Variants in MAST2 observed in about 807,000 individuals in gnomAD.
MAST2 encodes microtubule-associated serine/threonine-protein kinase 2.
MAST2 carries 70 observed loss-of-function variants against 147.4 expected under a neutral mutation model. That is an observed-to-expected ratio of 0.47 (90% CI 0.39 to 0.58). MAST2 has a LOEUF of 0.58. Among genes scored for constraint, MAST2 ranks in the 20% least tolerant of loss-of-function variants. The probability of loss-of-function intolerance (pLI) is 0.00; values close to 1 mark genes in which losing one functional copy is unlikely to be tolerated. For missense variants in MAST2, 2,080 were observed against 2,302.3 expected (o/e 0.90, Z 1.98); for synonymous variants, 869 against 896.8 (o/e 0.97, Z 0.55).
intron 4 of MAST2, among the ~76,000 whole-genome samples, chr1:45,909,462 G>A (rs1171941046): frequency 6.6e-6 from 1 of 150,704 alleles, no homozygotes; most frequent in Non-Finnish European, 1.5e-5. Context: ...GCTAAATATT[G>A]TATATATAAT....
intron 5 of MAST2, among the ~76,000 whole-genome samples, chr1:45,972,253 C>G (rs1643941259): frequency 6.6e-6 from 1 of 152,228 alleles, no homozygotes; most frequent in Admixed American, 6.5e-5. Flanking sequence ...ACAACAAGAT[C>G]AGAGTCTGTG....
rs1490418908 is a variant in MAST2 at position 46,013,569 on chromosome 1, G to A, written c.1188+2630G>A. ...GTGACGCACGCCTGTAATCCCAGCC[G>A]CTCGGGAGGCTGAGGCAGGAGAATC... On this transcript the variant is annotated intron_variant, in intron 10 of 28. Transcript: ENST00000361297. 5.3e-5 allele frequency among the ~76,000 whole-genome samples: 8 copies of A among 151,820 alleles called. No individual in the cohort carries two copies. The South Asian group carries it at 8.3e-4, about 16-fold the overall frequency.
intron 4 of MAST2, among the ~76,000 whole-genome samples, chr1:45,951,604 A>G (rs1289515808): frequency 6.6e-6 from 1 of 152,210 alleles, no homozygotes; most frequent in East Asian, 1.9e-4. Context: ...AAAAGAATAT[A>G]AAAGAAGGAA....
intron 3 of MAST2, among the ~76,000 whole-genome samples, chr1:45,836,921 G>A (rs1297245212): frequency 6.6e-6 from 1 of 152,158 alleles, no homozygotes; most frequent in East Asian, 1.9e-4. Context: ...GTGGTTTCAG[G>A]ATGAAACTGT....
chr1:46,034,655 A>C lies in MAST2; in HGVS notation c.3986A>C (p.Gln1329Pro). 1 of 1,614,096 alleles carries C rather than the reference A, an allele frequency of 6.2e-7. No homozygotes were observed. Among genetic ancestry groups the C allele is most frequent in the Non-Finnish European group, 8.5e-7 (1 of 1,180,010 alleles). ...LHGLAPKLQR[Q>P]YRSPRRKSAG... The stretch of plus-strand genomic sequence containing the variant: ...GGTCTGGCACCCAAGCTCCAACGCC[A>C]GTACCGCTCTCCACGGCGCAAGTCA... The change falls in exon 29 of 29, where the codon CAG (glutamine) becomes CCG (proline). Residue 1329 changes from glutamine (Q) to proline (P), a missense_variant. Around this residue, in one of 4 missense-constraint regions of MAST2, gnomAD observed 1,278 missense variants for 1,304.2 expected, o/e 0.98. Transcript: ENST00000361297.
In MAST2 at chr1:45,804,007, G is replaced by T; in HGVS notation, c.112G>T (p.Ala38Ser). ...LSQSLPPRRR[A>S]PPGRQRLEER... is the part of the protein sequence containing the mutation. ...TCAGTCTTTGCCGCCGCGCCGGCGA[G>T]CGCCGCCCGGGAGGCAGCGGCTGGA... is the stretch of plus-strand genomic sequence containing the variant. The change falls in exon 1 of 29, where the codon GCG (alanine) becomes TCG (serine). Residue 38 changes from alanine (A) to serine (S), a missense_variant. Coordinates refer to ENST00000361297, the MANE Select transcript of MAST2 (RefSeq NM_015112.3). 1 of 1,175,648 alleles carries T rather than the reference G, an allele frequency of 8.5e-7. No individual in the cohort carries two copies. Among genetic ancestry groups the T allele is most frequent in the Non-Finnish European group, 1.1e-6 (1 of 908,864 alleles). 72.8% of individuals were successfully genotyped at this position (1,175,648 alleles called of 1,614,324 possible). A position where few individuals can be genotyped will look rare whatever the true frequency, so the allele number is the denominator to read the frequency against.
At chr1:45,824,349 A>C in intron 1 of MAST2, 84 bp from the exon 2 acceptor site, 1 of 1,020,526 alleles carries the variant, frequency 9.8e-7, no homozygotes. Flanking sequence ...ATTGTAGTGA[A>C]TGCTGTAGAG....
intron 5 of MAST2, among the ~76,000 whole-genome samples, chr1:45,967,714 G>A (rs1158669188): frequency 6.6e-6 from 1 of 152,106 alleles, no homozygotes; most frequent in Non-Finnish European, 1.5e-5. Context: ...GGAGTGGCAG[G>A]CATACAACTT....
rs780430608 is a variant in MAST2 at position 46,006,222 on chromosome 1, T to G, written c.748-19T>G. On this transcript the variant is annotated intron_variant, in intron 7 of 28. Coordinates refer to ENST00000361297, the MANE Select transcript of MAST2 (RefSeq NM_015112.3). ...TGGGACATGTCTTTAATGCCACTTC[T>G]TAATGTTTTCCCCTCTAGTCATCAT... The G allele has an allele frequency of 4.4e-6, 7 of 1,605,426 alleles. No homozygotes were observed. The Admixed American group carries it at 8.4e-5, about 19-fold the overall frequency.
Position 45,956,646 on chromosome 1 carries a change from G to A in MAST2, c.501-2740G>A, listed in dbSNP as rs76613052. Among the ~76,000 whole-genome samples, 1,008 of 152,322 alleles carry A rather than the reference G, an allele frequency of 6.6e-3. 12 individuals carry two copies. The highest frequency in any genetic ancestry group is 0.023 in the African/African-American group (972 of 41,560). On this transcript the variant is annotated intron_variant, in intron 4 of 28. Coordinates refer to ENST00000361297, the MANE Select transcript of MAST2 (RefSeq NM_015112.3). The stretch of plus-strand genomic sequence containing the variant: ...TTTGAACTACATCCGATACAGCTTA[G>A]TGGTTTAGGTCATTACTTGCAAATC...
chr1:45,883,809 T>TA (rs1026318169), intron 4 of MAST2, among the ~76,000 whole-genome samples: 7 of 146,276 alleles, frequency 4.8e-5, no homozygotes, highest in African/African-American at 1.8e-4. Context: ...CCAGGACTCT[T>TA]AGAGGAATGA....
In MAST2 at chr1:46,031,820, T is replaced by C. The variant is rs1324016153; in HGVS notation, c.3187+235T>C. Among the ~76,000 whole-genome samples the C allele has an allele frequency of 6.6e-6, 1 of 152,172 alleles. No individual in the cohort carries two copies. Among genetic ancestry groups the C allele is most frequent in the Non-Finnish European group, 1.5e-5 (1 of 68,024 alleles). ...AGAGAGCTCACACTCAAATCCTGGCTCCATCACTAACAGGCTCTTGACCTT... is the reference window on the plus strand; with the variant it reads ...AGAGAGCTCACACTCAAATCCTGGCCCCATCACTAACAGGCTCTTGACCTT... On this transcript the variant is annotated intron_variant, in intron 24 of 28. Transcript: ENST00000361297. The surrounding 1 kb of genome is among the most constrained non-coding windows in gnomAD (Gnocchi z 4.1).
chr1:45,936,577 T>C (rs747706930), intron 4 of MAST2, among the ~76,000 whole-genome samples: 41 of 152,330 alleles, frequency 2.7e-4, no homozygotes, highest in Non-Finnish European at 4.6e-4. Context: ...GATCATTTTT[T>C]CCTCTGTGTA....
At chr1:46,013,254 T>C (rs1645789922) in intron 10 of MAST2, among the ~76,000 whole-genome samples, 1 of 152,186 alleles carries the variant, frequency 6.6e-6, no homozygotes, top group Non-Finnish European at 1.5e-5. Flanking sequence ...AACTGATTTT[T>C]TTAAGTAGCA....
At chr1:45,931,713 C>T (rs920096061) in intron 4 of MAST2, among the ~76,000 whole-genome samples, 21 of 151,878 alleles carry the variant, frequency 1.4e-4, no homozygotes, top group African/African-American at 4.8e-4. Flanking sequence ...AAACTAGTCT[C>T]GAACTCCTGA....
intron 4 of MAST2, among the ~76,000 whole-genome samples, chr1:45,891,361 G>A (rs932433522): frequency 1.3e-5 from 2 of 152,146 alleles, no homozygotes; most frequent in African/African-American, 4.8e-5. Flanking sequence ...GCCAGGTGTG[G>A]TGGTGACTGC....
rs144823047 is a variant in MAST2 at position 45,837,000 on chromosome 1, G to A, written c.468+7419G>A. ...CGTGCAACCTAGATCCCTCGTATGC[G>A]CAGTTCACAATAGGGTTCATGCCCC... On this transcript the variant is annotated intron_variant, in intron 3 of 28. Transcript: ENST00000361297. Among the ~76,000 whole-genome samples, 799 of 152,212 alleles carry A rather than the reference G, an allele frequency of 5.2e-3. 3 individuals carry two copies. The highest frequency in any genetic ancestry group is 6.8e-3 in the Middle Eastern group (2 of 294).
chr1:45,934,911 A>G (rs1056051624), intron 4 of MAST2, among the ~76,000 whole-genome samples: 1 of 152,196 alleles, frequency 6.6e-6, no homozygotes, highest in African/African-American at 2.4e-5. Context: ...CTTTGGGCAT[A>G]TTTCCAATGA....
At chr1:45,860,426 A>G (rs946346577) in intron 3 of MAST2, among the ~76,000 whole-genome samples, 3 of 151,720 alleles carry the variant, frequency 2.0e-5, no homozygotes, top group African/African-American at 7.3e-5. Flanking sequence ...GAATCAATAC[A>G]TATATGACCC....
Sources: allele counts gnomAD v4.1 joint callset (sites outside exome capture counted in the v4.1 genomes callset), GRCh38; gene constraint gnomAD v4.1.1; regional missense constraint gnomAD v4.1.1; non-coding constraint Gnocchi (gnomAD v3.1); transcripts MANE v1.5; gene names NCBI Gene and HGNC (gene_info 2026-07-23, HGNC 2026-07-21).